The following CDH12 variants were observed in gnomAD, a reference collection of about 807,000 sequenced individuals.
The protein encoded by CDH12 is cadherin 12.
Under a neutral mutation model 74.1 loss-of-function variants are expected in CDH12, and 41 were observed. That is an observed-to-expected ratio of 0.55 (90% CI 0.43 to 0.72). The LOEUF (loss-of-function observed/expected upper bound fraction) is 0.72, where lower values mean the gene tolerates loss of function less well. Ranked by LOEUF, CDH12 falls within the 30% of genes least tolerant of loss-of-function variation. The probability of loss-of-function intolerance (pLI) is 0.00; values close to 1 mark genes in which losing one functional copy is unlikely to be tolerated. For synonymous variants in CDH12, 399 were observed against 355.0 expected (o/e 1.12, Z -1.39); for missense variants, 945 against 977.2 (o/e 0.97, Z 0.44).
intron 1 of CDH12, among the ~76,000 whole-genome samples, chr5:22,509,085 T>C (rs1240574475): frequency 3.9e-5 from 6 of 152,182 alleles, no homozygotes; most frequent in Non-Finnish European, 7.3e-5. Context: ...CAAGACAGTG[T>C]GTATGGCTAA....
Position 22,558,189 on chromosome 5 carries a change from C to T in CDH12, c.-522-52825G>A, listed in dbSNP as rs540562934. ...AACCAGAGAAGGTGTCTGAATTGCA[C>T]AACAGAAAGTCAGACAGGCTCTTGT... is the stretch of plus-strand genomic sequence containing the variant. On this transcript the variant is annotated intron_variant, in intron 1 of 14. Coordinates refer to ENST00000382254, the MANE Select transcript of CDH12 (RefSeq NM_004061.5). 1.5e-3 allele frequency among the ~76,000 whole-genome samples: 227 copies of T among 152,038 alleles called. 4 individuals carry two copies. The South Asian group carries it at 0.046, about 31-fold the overall frequency.
At chr5:22,196,919 C>T (rs545436655) in intron 4 of CDH12, among the ~76,000 whole-genome samples, 7 of 152,142 alleles carry the variant, frequency 4.6e-5, no homozygotes, top group African/African-American at 1.7e-4. Flanking sequence ...AATCCTCAAT[C>T]AGACAAAAAA....
chr5:21,912,161 G>C (rs1753885767), intron 6 of CDH12, among the ~76,000 whole-genome samples: 1 of 152,120 alleles, frequency 6.6e-6, no homozygotes, highest in South Asian at 2.1e-4. Context: ...CAAACTATGT[G>C]ATTTTGGGAT....
intron 5 of CDH12, among the ~76,000 whole-genome samples, chr5:22,038,337 A>T (rs927585570): frequency 6.6e-6 from 1 of 152,066 alleles, no homozygotes; most frequent in Non-Finnish European, 1.5e-5. Context: ...TCCCAGTTGC[A>T]GCTGTGCCCT....
chr5:22,825,228 G>A (rs1171375153), intron 1 of CDH12, among the ~76,000 whole-genome samples: 1 of 151,470 alleles, frequency 6.6e-6, no homozygotes, highest in Admixed American at 6.6e-5. Context: ...GTGTGGGTAT[G>A]TGTGTGTGTG....
intron 1 of CDH12, among the ~76,000 whole-genome samples, chr5:22,811,560 T>C (rs1175296913): frequency 6.6e-6 from 1 of 152,212 alleles, no homozygotes; most frequent in Non-Finnish European, 1.5e-5. Flanking sequence ...TGGTTACTCC[T>C]ACCTGATAGA....
chr5:22,733,549 T>C (rs941034363), intron 1 of CDH12, among the ~76,000 whole-genome samples: 3 of 151,788 alleles, frequency 2.0e-5, no homozygotes, highest in African/African-American at 7.3e-5. Flanking sequence ...GGTTGATTTA[T>C]ATGCGCCCAT....
intron 4 of CDH12, among the ~76,000 whole-genome samples, chr5:22,136,576 C>T (rs563052554): frequency 2.6e-5 from 4 of 151,286 alleles, no homozygotes; most frequent in East Asian, 2.0e-4. Flanking sequence ...TGCACCCATG[C>T]TTTGGTCAAT....
At chr5:22,474,598 G>A (rs550776120) in intron 2 of CDH12, among the ~76,000 whole-genome samples, 1 of 152,166 alleles carries the variant, frequency 6.6e-6, no homozygotes, top group South Asian at 2.1e-4. Context: ...GATGAACAAT[G>A]ATTATTTCCA....
At chr5:22,427,230 T>C (rs1743978243) in intron 2 of CDH12, among the ~76,000 whole-genome samples, 1 of 152,088 alleles carries the variant, frequency 6.6e-6, no homozygotes, top group Non-Finnish European at 1.5e-5. Context: ...TGCAGTGGCA[T>C]GATCTCAGCT....
intron 4 of CDH12, among the ~76,000 whole-genome samples, chr5:22,140,865 T>C (rs1194803879): frequency 2.0e-5 from 3 of 152,064 alleles, no homozygotes; most frequent in Non-Finnish European, 4.4e-5. Context: ...CTTCAGAGAG[T>C]TTGCAGGTGA....
At chr5:22,245,487 A>T (rs1327689249) in intron 3 of CDH12, among the ~76,000 whole-genome samples, 2 of 152,124 alleles carry the variant, frequency 1.3e-5, no homozygotes, top group African/African-American at 4.8e-5. Context: ...TTTGATAGTA[A>T]GCGATAGATG....
At chr5:22,847,364 A>G (rs1737354917) in intron 1 of CDH12, among the ~76,000 whole-genome samples, 1 of 152,088 alleles carries the variant, frequency 6.6e-6, no homozygotes, top group East Asian at 1.9e-4. Context: ...AATAATGGCA[A>G]CCCCTCATGG....
intron 2 of CDH12, among the ~76,000 whole-genome samples, chr5:22,478,855 A>T (rs184409051): frequency 1.8e-3 from 281 of 152,276 alleles, no homozygotes; most frequent in Non-Finnish European, 2.6e-3. Context: ...GCTATCATTT[A>T]GATAATTTTG....
intron 1 of CDH12, among the ~76,000 whole-genome samples, chr5:22,679,030 C>T (rs185078974): frequency 5.5e-4 from 83 of 152,156 alleles, no homozygotes; most frequent in Middle Eastern, 3.4e-3. Flanking sequence ...ATCCATGGGA[C>T]GTTCAGACAA....
intron 3 of CDH12, among the ~76,000 whole-genome samples, chr5:22,274,562 C>A (rs1307244067): frequency 6.6e-6 from 1 of 151,860 alleles, no homozygotes; most frequent in African/African-American, 2.4e-5. Context: ...ATGTGTGTAT[C>A]ATTTTGACTC....
intron 4 of CDH12, among the ~76,000 whole-genome samples, chr5:22,159,510 T>C (rs1008823195): frequency 6.6e-6 from 1 of 152,206 alleles, no homozygotes; most frequent in Non-Finnish European, 1.5e-5. Context: ...ATAGCTTACA[T>C]GGTTCAGATG....
chr5:22,265,574 T>G (rs991593137), intron 3 of CDH12, among the ~76,000 whole-genome samples: 1 of 152,168 alleles, frequency 6.6e-6, no homozygotes, highest in Non-Finnish European at 1.5e-5. Flanking sequence ...GTTTTAACAA[T>G]AATCAATATA....
At chr5:22,806,510 G>A (rs1748817852) in intron 1 of CDH12, among the ~76,000 whole-genome samples, 1 of 151,860 alleles carries the variant, frequency 6.6e-6, no homozygotes, top group African/African-American at 2.4e-5. Flanking sequence ...CCGCCATCAC[G>A]CCCGGCTAAT....
Sources: allele counts gnomAD v4.1 joint callset (sites outside exome capture counted in the v4.1 genomes callset), GRCh38; gene constraint gnomAD v4.1.1; transcripts MANE v1.5; gene names NCBI Gene and HGNC (gene_info 2026-07-23, HGNC 2026-07-21).